Variants in ARHGAP24 observed in about 807,000 individuals in gnomAD.
The protein encoded by ARHGAP24 is rho GTPase-activating protein 24.
ARHGAP24 carries 50 observed loss-of-function variants against 76.4 expected under a neutral mutation model. The observed-to-expected ratio is 0.65, with a 90% CI of 0.52 to 0.83. The LOEUF (loss-of-function observed/expected upper bound fraction) is 0.83. ARHGAP24 is among the 40% of genes least tolerant of loss of function. The probability of loss-of-function intolerance (pLI) is 0.00; values close to 1 mark genes in which losing one functional copy is unlikely to be tolerated. For missense variants in ARHGAP24, 930 were observed against 914.2 expected, an observed-to-expected ratio of 1.02 and a Z score of -0.22; for synonymous variants, 345 against 323.3, an observed-to-expected ratio of 1.07 and a Z score of -0.72.
At chr4:85,632,630 A>T (rs1308689983) in intron 2 of ARHGAP24, among the ~76,000 whole-genome samples, 1 of 149,628 alleles carries the variant, frequency 6.7e-6, no homozygotes, top group Non-Finnish European at 1.5e-5. Context: ...TTAGAATTTG[A>T]TTTTCAGTTA....
chr4:85,709,268 A>T (rs570760046), intron 2 of ARHGAP24, among the ~76,000 whole-genome samples: 1 of 152,254 alleles, frequency 6.6e-6, no homozygotes, highest in East Asian at 1.9e-4. Flanking sequence ...GAGAGAAATG[A>T]AATGGTTATA....
intron 2 of ARHGAP24, among the ~76,000 whole-genome samples, chr4:85,573,449 G>C (rs1441012233): frequency 2.0e-5 from 3 of 152,118 alleles, no homozygotes; most frequent in Non-Finnish European, 4.4e-5. Context: ...GCATATTTTT[G>C]AATGAGTTAA....
At chr4:85,841,471 G>A (rs1194574414) in intron 3 of ARHGAP24, among the ~76,000 whole-genome samples, 5 of 152,120 alleles carry the variant, frequency 3.3e-5, no homozygotes, top group Non-Finnish European at 7.4e-5. Flanking sequence ...TTAACTTATA[G>A]TGTAATAGTG....
intron 3 of ARHGAP24, among the ~76,000 whole-genome samples, chr4:85,841,251 G>A (rs145708956): frequency 6.6e-6 from 1 of 152,172 alleles, no homozygotes; most frequent in Non-Finnish European, 1.5e-5. Context: ...TCATTCAAGT[G>A]CAGAGCTCAA....
At chr4:85,774,572 T>C (rs550219519) in intron 3 of ARHGAP24, among the ~76,000 whole-genome samples, 1 of 152,328 alleles carries the variant, frequency 6.6e-6, no homozygotes, top group South Asian at 2.1e-4. Context: ...TCTTAGGACC[T>C]CTAGCAAATG....
intron 2 of ARHGAP24, among the ~76,000 whole-genome samples, chr4:85,596,920 T>C (rs530774091): frequency 6.6e-6 from 1 of 152,152 alleles, no homozygotes; most frequent in East Asian, 1.9e-4. Context: ...ATATTTTAAG[T>C]CCAAATATAT....
At chr4:85,665,850 C>G (rs949772142) in intron 2 of ARHGAP24, among the ~76,000 whole-genome samples, 2 of 152,186 alleles carry the variant, frequency 1.3e-5, no homozygotes, top group African/African-American at 2.4e-5. Context: ...GGCCCCCACT[C>G]TCTTCTGGCT....
At chr4:85,758,793 A>G (rs1415871307) in intron 3 of ARHGAP24, among the ~76,000 whole-genome samples, 1 of 152,194 alleles carries the variant, frequency 6.6e-6, no homozygotes, top group Non-Finnish European at 1.5e-5. Flanking sequence ...CATCAAAGGC[A>G]TACATATCAA....
chr4:85,517,819 A>C (rs17010302), intron 1 of ARHGAP24, among the ~76,000 whole-genome samples: 18,560 of 152,148 alleles, frequency 0.12, 3,195 homozygotes, highest in African/African-American at 0.38. Context: ...TTCTAAAATT[A>C]TTCCACATTT....
At chr4:85,877,016 G>T (rs1034466811) in intron 3 of ARHGAP24, among the ~76,000 whole-genome samples, 8 of 151,900 alleles carry the variant, frequency 5.3e-5, no homozygotes, top group Non-Finnish European at 1.0e-4. Context: ...TTATCATTAG[G>T]TTCAGTTTTC....
intron 2 of ARHGAP24, among the ~76,000 whole-genome samples, chr4:85,573,020 G>A (rs1727201948): frequency 6.6e-6 from 1 of 151,580 alleles, no homozygotes; most frequent in South Asian, 2.1e-4. Flanking sequence ...GGGACTACAT[G>A]AGTGCGCCAC....
chr4:85,860,147 C>T (rs2110174968), intron 3 of ARHGAP24, among the ~76,000 whole-genome samples: 1 of 152,044 alleles, frequency 6.6e-6, no homozygotes, highest in South Asian at 2.1e-4. Context: ...ATTAATATGG[C>T]AGAAACAGGG....
At chr4:85,971,960 T>C in intron 5 of ARHGAP24, 76 bp from the exon 6 acceptor site, 2 of 1,607,184 alleles carry the variant, frequency 1.2e-6, no homozygotes, top group Non-Finnish European at 8.5e-7. Context: ...TTCTGACTCC[T>C]GGGCTCTTGA....
intron 3 of ARHGAP24, among the ~76,000 whole-genome samples, chr4:85,828,195 A>G (rs1263747354): frequency 6.6e-6 from 1 of 152,184 alleles, no homozygotes; most frequent in African/African-American, 2.4e-5. Flanking sequence ...TCCACGCTGA[A>G]ATGTGATCGT....
intron 3 of ARHGAP24, among the ~76,000 whole-genome samples, chr4:85,907,532 T>C (rs951439203): frequency 3.3e-5 from 5 of 152,178 alleles, no homozygotes; most frequent in African/African-American, 9.7e-5. Flanking sequence ...TATTGGCTGA[T>C]ACATAATTAC....
At chr4:85,940,434 A>T (rs369106287) in intron 4 of ARHGAP24, among the ~76,000 whole-genome samples, 17 of 152,044 alleles carry the variant, frequency 1.1e-4, no homozygotes, top group African/African-American at 3.4e-4. Flanking sequence ...TTCCCTTTTC[A>T]TCAAGAAAAG....
At chr4:85,606,512 CAA>C (rs11325522) in intron 2 of ARHGAP24, among the ~76,000 whole-genome samples, 87 of 144,634 alleles carry the variant, frequency 6.0e-4, no homozygotes, top group East Asian at 1.0e-3. Flanking sequence ...GACTCCATTT[CAA>C]AAAAAAAAAA....
chr4:85,664,238 G>T (rs1722518761), intron 2 of ARHGAP24, among the ~76,000 whole-genome samples: 1 of 151,144 alleles, frequency 6.6e-6, no homozygotes, highest in Non-Finnish European at 1.5e-5. Context: ...GTTTAGTCTT[G>T]GGAGAGTGTA....
intron 2 of ARHGAP24, among the ~76,000 whole-genome samples, chr4:85,580,390 A>G (rs1049946428): frequency 2.0e-5 from 3 of 152,118 alleles, no homozygotes; most frequent in Non-Finnish European, 2.9e-5. Flanking sequence ...GTTAAATATG[A>G]CAAAAATAAC....
Sources: allele counts gnomAD v4.1 joint callset (sites outside exome capture counted in the v4.1 genomes callset), GRCh38; gene constraint gnomAD v4.1.1; transcripts MANE v1.5; gene names NCBI Gene and HGNC (gene_info 2026-07-23, HGNC 2026-07-21).